UPF2: variants seen among roughly 807,000 people sequenced by gnomAD.
UPF2 encodes the protein regulator of nonsense transcripts 2.
Under a neutral mutation model 141.4 loss-of-function variants are expected in UPF2, and 17 were observed. The observed-to-expected ratio is 0.12, with a 90% CI of 0.08 to 0.18. The LOEUF (loss-of-function observed/expected upper bound fraction) is 0.18, where lower values mean the gene tolerates loss of function less well. UPF2 is among the 10% of genes least tolerant of loss of function. The pLI, the probability that UPF2 is intolerant of heterozygous loss-of-function variation, is 1.00. For synonymous variants in UPF2, 540 were observed against 498.0 expected, an observed-to-expected ratio of 1.08 and a Z score of -1.12; for missense variants, 1,152 against 1,515.9, an observed-to-expected ratio of 0.76 and a Z score of 3.99.
Position 11,935,131 on chromosome 10 carries a change from C to G in UPF2, c.3546+1414G>C, listed in dbSNP as rs1273102820. Among the ~76,000 whole-genome samples, 1 of 152,120 alleles carries G rather than the reference C, an allele frequency of 6.6e-6. No individual in the cohort carries two copies. The highest frequency in any genetic ancestry group is 1.5e-5 in the Non-Finnish European group (1 of 68,024). On this transcript the variant is annotated intron_variant, in intron 19 of 21. Coordinates refer to ENST00000357604, the MANE Select transcript of UPF2 (RefSeq NM_015542.4). The surrounding 1 kb of genome is among the most constrained non-coding windows in gnomAD (Gnocchi z 4.9). Reference sequence around the variant, plus strand: ...TCTCAGATGCAACTTATTGTAGGGTCTTCCCTGATCATCCTACCTAAGAGG... The same window carrying G: ...TCTCAGATGCAACTTATTGTAGGGTGTTCCCTGATCATCCTACCTAAGAGG...
rs1388357224 is a variant in UPF2 at position 11,953,473 on chromosome 10, C to A, written c.2851-1224G>T. ...CAGACCTCATCACCCAGGCCTCACTCACTTCTGACTCCAATTCCTAGGTAT... is the reference window on the plus strand; with the variant it reads ...CAGACCTCATCACCCAGGCCTCACTAACTTCTGACTCCAATTCCTAGGTAT... On this transcript the variant is annotated intron_variant, in intron 14 of 21. Coordinates refer to ENST00000357604, the MANE Select transcript of UPF2 (RefSeq NM_015542.4). This position sits in a 1 kb window ranked among gnomAD's most constrained non-coding sequence, Gnocchi z 5.0. Among the ~76,000 whole-genome samples the A allele has an allele frequency of 6.6e-6, 1 of 152,198 alleles. No individual in the cohort carries two copies.
intron 4 of UPF2, among the ~76,000 whole-genome samples, chr10:12,007,598 C>T (rs778063755): frequency 3.3e-5 from 5 of 151,944 alleles, no homozygotes; most frequent in South Asian, 2.1e-4. Context: ...TGGGAGGCTG[C>T]GGCAGGTGGA....
intron 3 of UPF2, among the ~76,000 whole-genome samples, chr10:12,021,003 G>C (rs763909068): frequency 3.3e-5 from 5 of 152,154 alleles, no homozygotes; most frequent in Admixed American, 6.6e-5. Context: ...GTTTGGATTT[G>C]ACTTGGTAAA....
At chr10:12,042,961 G>A (rs1005891991), upstream of UPF2, 1 of 151,718 alleles carries the variant, frequency 6.6e-6, no homozygotes, top group Non-Finnish European at 1.5e-5. This position sits in a 1 kb window ranked among gnomAD's most constrained non-coding sequence, Gnocchi z 5.5. Flanking sequence ...GAGGCGAGAG[G>A]GAAAAGGCCA....
chr10:12,032,235 G>C (rs927098992), intron 2 of UPF2, among the ~76,000 whole-genome samples: 1 of 151,704 alleles, frequency 6.6e-6, no homozygotes, highest in Non-Finnish European at 1.5e-5. Flanking sequence ...TGGAGGTTAC[G>C]GTGAGCCGAG....
Position 12,029,426 on chromosome 10 carries a change from C to T in UPF2, c.464G>A (p.Arg155Gln), listed in dbSNP as rs763498758. 4.3e-6 allele frequency: 7 copies of T among 1,613,996 alleles called. No individual in the cohort carries two copies. The highest frequency in any genetic ancestry group is 2.7e-5 in the African/African-American group (2 of 74,918). The change falls in exon 3 of 22, where the codon CGA (arginine) becomes CAA (glutamine). Residue 155 changes from arginine (R) to glutamine (Q), a missense_variant. By Grantham distance (43) the Arg-to-Gln change is conservative (BLOSUM62 1). Transcript: ENST00000357604. ...GCGGCTGAAGAAGTTTTCCTCTGGT[C>T]GGCTGTCCGGAGCATTTTGGTTTTT... ...RSKNQNAPDSRPEENFFSRLD... is the reference protein window; with the variant it reads ...RSKNQNAPDSQPEENFFSRLD...
intron 3 of UPF2, among the ~76,000 whole-genome samples, chr10:12,021,754 A>G (rs1201939517): frequency 4.6e-5 from 7 of 152,178 alleles, no homozygotes; most frequent in Non-Finnish European, 4.4e-5. Flanking sequence ...AAAATCTTTA[A>G]AAGAATGATC....
intron 14 of UPF2, 98 bp downstream of exon 14, chr10:11,955,129 TATATA>T (rs1167958385): frequency 1.2e-4 from 130 of 1,113,648 alleles, no homozygotes; most frequent in African/African-American, 7.1e-4. Context: ...TATGAACATA[TATATA>T]ATATATGAAT....
intron 4 of UPF2, among the ~76,000 whole-genome samples, chr10:12,009,626 A>T (rs181679271): frequency 3.1e-4 from 47 of 152,332 alleles, no homozygotes; most frequent in Non-Finnish European, 5.6e-4. Flanking sequence ...TCAGCTCTAC[A>T]ATTGCCCCAG....
intron 4 of UPF2, 100 bp from the exon 5 acceptor site, chr10:12,004,827 G>C (rs1834009287): frequency 5.9e-6 from 7 of 1,189,676 alleles, no homozygotes; most frequent in Non-Finnish European, 8.1e-6. Flanking sequence ...ATTGAATCTT[G>C]AGTGTTTCAA....
intron 11 of UPF2, among the ~76,000 whole-genome samples, chr10:11,962,613 G>A (rs887134435): frequency 2.6e-5 from 4 of 152,018 alleles, no homozygotes; most frequent in African/African-American, 7.2e-5. Context: ...TCTCTACCTC[G>A]GGTCTCAGCA....
intron 10 of UPF2, among the ~76,000 whole-genome samples, chr10:11,966,132 G>C (rs1461525985): frequency 6.6e-6 from 1 of 151,986 alleles, no homozygotes; most frequent in South Asian, 2.1e-4. Flanking sequence ...ATAATCCATA[G>C]GCATTTGAAA....
intron 12 of UPF2, among the ~76,000 whole-genome samples, chr10:11,958,585 T>A (rs928058188): frequency 2.1e-4 from 32 of 152,360 alleles, no homozygotes; most frequent in Admixed American, 1.9e-3. Context: ...CTACCCTGTA[T>A]TATATGTCAA....
rs1370746198 is a variant in UPF2 at position 11,939,431 on chromosome 10, C to T, written c.3379-2719G>A. ...TATCTTCATCATATTACTAAACGGT[C>T]ATGTTTTGGGTCTATTTTGGATTCT... On this transcript the variant is annotated intron_variant, in intron 18 of 21. Coordinates refer to ENST00000357604, the MANE Select transcript of UPF2 (RefSeq NM_015542.4). This position sits in a 1 kb window ranked among gnomAD's most constrained non-coding sequence, Gnocchi z 4.8. Among the ~76,000 whole-genome samples the T allele has an allele frequency of 6.6e-6, 1 of 151,922 alleles. No homozygotes were observed. The highest frequency in any genetic ancestry group is 1.5e-5 in the Non-Finnish European group (1 of 67,998).
At position 12,032,343 on chromosome 10, in the gene UPF2, T is replaced by C. The variant is rs888414250; in HGVS notation, c.365+2716A>G. Among the ~76,000 whole-genome samples, 9 of 151,204 alleles carry C rather than the reference T, an allele frequency of 6.0e-5. No homozygotes were observed. The South Asian group carries it at 6.3e-4, about 11-fold the overall frequency. On this transcript the variant is annotated intron_variant, in intron 2 of 21. Transcript: ENST00000357604. ...AAAGAAAAGAAAGTATGTACATACA[T>C]TAAATAACTCAATTTTCAGCTGCAT... is the stretch of plus-strand genomic sequence containing the variant.
chr10:11,921,322 A>G lies in UPF2; in HGVS notation c.3810-15T>C, dbSNP rs896089937. ...ATCAACGTCTCCTAAAGGAACAAACAGGGTCACATCAGAGAGCTTACTGCC... is the reference window on the plus strand; with the variant it reads ...ATCAACGTCTCCTAAAGGAACAAACGGGGTCACATCAGAGAGCTTACTGCC... On this transcript the variant is annotated splice_polypyrimidine_tract_variant and intron_variant, in intron 21 of 21. Coordinates refer to ENST00000357604, the MANE Select transcript of UPF2 (RefSeq NM_015542.4). The surrounding 1 kb of genome is among the most constrained non-coding windows in gnomAD (Gnocchi z 5.9). 1 of 1,614,078 alleles carries G rather than the reference A, an allele frequency of 6.2e-7. No individual in the cohort carries two copies. The highest frequency in any genetic ancestry group is 1.7e-5 in the Admixed American group (1 of 60,014).
At chr10:11,984,831 G>T (rs889279885) in intron 8 of UPF2, among the ~76,000 whole-genome samples, 2 of 151,998 alleles carry the variant, frequency 1.3e-5, no homozygotes, top group African/African-American at 4.8e-5. Context: ...TCCTGCCTCA[G>T]CCTCCCGAGC....
At chr10:11,923,822 G>A (rs1832677948) in intron 21 of UPF2, among the ~76,000 whole-genome samples, 1 of 152,074 alleles carries the variant, frequency 6.6e-6, no homozygotes, top group Non-Finnish European at 1.5e-5. Flanking sequence ...CTGGGCAACA[G>A]AACAAGACTC....
At chr10:12,003,574 C>G (rs1187844777) in intron 5 of UPF2, among the ~76,000 whole-genome samples, 1 of 152,052 alleles carries the variant, frequency 6.6e-6, no homozygotes, top group Non-Finnish European at 1.5e-5. Flanking sequence ...AATTATATTC[C>G]AAGTACATGT....
Sources: allele counts gnomAD v4.1 joint callset (sites outside exome capture counted in the v4.1 genomes callset), GRCh38; gene constraint gnomAD v4.1.1; non-coding constraint Gnocchi (gnomAD v3.1); transcripts MANE v1.5; gene names NCBI Gene and HGNC (gene_info 2026-07-23, HGNC 2026-07-21).